XRCC4: variants seen among roughly 807,000 people sequenced by gnomAD.
XRCC4 encodes X-ray repair cross complementing 4.
A neutral mutation model predicts 39.1 loss-of-function variants in XRCC4; 28 were observed. That is an observed-to-expected ratio of 0.72 (90% CI 0.53 to 0.98). The LOEUF is 0.98. XRCC4 is among the 50% of genes least tolerant of loss of function. The pLI, the probability that XRCC4 is intolerant of heterozygous loss-of-function variation, is 0.00. For synonymous variants in XRCC4, 123 were observed against 126.4 expected (o/e 0.97, Z 0.18); for missense variants, 350 against 376.4 (o/e 0.93, Z 0.58).
intron 7 of XRCC4, among the ~76,000 whole-genome samples, chr5:83,300,113 A>G (rs1474182655): frequency 6.6e-6 from 1 of 152,216 alleles, no homozygotes; most frequent in Non-Finnish European, 1.5e-5. Flanking sequence ...TACATGAATT[A>G]TATTAATTTG....
At chr5:83,132,414 T>C (rs1194925055) in intron 3 of XRCC4, among the ~76,000 whole-genome samples, 2 of 152,148 alleles carry the variant, frequency 1.3e-5, no homozygotes, top group Admixed American at 1.3e-4. Context: ...TTTCCTGAAT[T>C]TGAATGTTGG....
intron 7 of XRCC4, among the ~76,000 whole-genome samples, chr5:83,308,894 T>C (rs1755581950): frequency 1.3e-5 from 2 of 152,156 alleles, no homozygotes; most frequent in Non-Finnish European, 2.9e-5. Flanking sequence ...ATTTCAAATT[T>C]TTATACTCGT....
chr5:83,362,316 A>AAAAAAAAAAAAC, the XRCC4 span, among the ~76,000 whole-genome samples: 3 of 146,046 alleles, frequency 2.1e-5, no homozygotes, highest in African/African-American at 8.2e-5. Context: ...AAAAAAAAAA[A>AAAAAAAAAAAAC]AACTATCTCA....
chr5:83,349,228 C>A (rs1757008503), intron 7 of XRCC4, among the ~76,000 whole-genome samples: 1 of 152,162 alleles, frequency 6.6e-6, no homozygotes, highest in African/African-American at 2.4e-5. Flanking sequence ...AGAAGTCCAC[C>A]CCCGTGATCC....
chr5:83,248,642 G>A (rs1753198148), intron 6 of XRCC4, among the ~76,000 whole-genome samples: 1 of 152,034 alleles, frequency 6.6e-6, no homozygotes, highest in Non-Finnish European at 1.5e-5. Flanking sequence ...ATTGCTAACT[G>A]TAATTTGAAG....
intron 7 of XRCC4, among the ~76,000 whole-genome samples, chr5:83,332,156 A>C (rs910564645): frequency 2.6e-5 from 4 of 151,920 alleles, no homozygotes; most frequent in Non-Finnish European, 5.9e-5. Context: ...TTGCCTTCTT[A>C]TAAAGACAGA....
At chr5:83,180,450 T>G (rs1750154937) in intron 3 of XRCC4, among the ~76,000 whole-genome samples, 1 of 152,136 alleles carries the variant, frequency 6.6e-6, no homozygotes, top group African/African-American at 2.4e-5. Flanking sequence ...GCGGCTCAAA[T>G]TTTTAAGTGC....
intron 6 of XRCC4, among the ~76,000 whole-genome samples, chr5:83,255,587 T>C (rs1439530691): frequency 6.6e-6 from 1 of 152,190 alleles, no homozygotes; most frequent in Non-Finnish European, 1.5e-5. Context: ...CATTAGACAC[T>C]TCTCCTACAA....
chr5:83,304,429 G>A (rs67365351), intron 7 of XRCC4, among the ~76,000 whole-genome samples: 9,208 of 152,092 alleles, frequency 0.061, 377 homozygotes, highest in South Asian at 0.15. Context: ...TCTCTTACCT[G>A]AATTCTACCA....
intron 7 of XRCC4, among the ~76,000 whole-genome samples, chr5:83,343,851 T>C (rs10434637): frequency 0.26 from 39,024 of 151,942 alleles, 7,256 homozygotes; most frequent in East Asian, 0.71. Context: ...TCCTATACCT[T>C]GGTATTTGTT....
At chr5:83,088,244 A>G (rs1390234757) in intron 1 of XRCC4, among the ~76,000 whole-genome samples, 1 of 152,188 alleles carries the variant, frequency 6.6e-6, no homozygotes, top group East Asian at 1.9e-4. Flanking sequence ...TACCTTGTAT[A>G]TATTTACTTA....
At chr5:83,254,510 G>A (rs373733826) in intron 6 of XRCC4, among the ~76,000 whole-genome samples, 57 of 152,118 alleles carry the variant, frequency 3.7e-4, no homozygotes, top group South Asian at 8.3e-4. Flanking sequence ...TTAACAATGA[G>A]ATGCCAGACT....
intron 3 of XRCC4, among the ~76,000 whole-genome samples, chr5:83,145,871 T>TC (rs987312626): frequency 1.5e-4 from 23 of 152,042 alleles, no homozygotes; most frequent in Non-Finnish European, 2.6e-4. Flanking sequence ...TTTTTTTTTT[T>TC]TCCTAATATT....
intron 6 of XRCC4, among the ~76,000 whole-genome samples, chr5:83,239,179 A>T (rs924687790): frequency 3.9e-5 from 6 of 152,062 alleles, no homozygotes; most frequent in African/African-American, 1.2e-4. Context: ...GGCTCCAGGA[A>T]TGCCACATTG....
intron 3 of XRCC4, among the ~76,000 whole-genome samples, chr5:83,134,461 C>T (rs1441620763): frequency 6.6e-6 from 1 of 152,074 alleles, no homozygotes; most frequent in Non-Finnish European, 1.5e-5. Flanking sequence ...ACCAGTCAGC[C>T]CTCTGTTTCT....
chr5:83,301,957 A>G (rs1165378659), intron 7 of XRCC4, among the ~76,000 whole-genome samples: 2 of 152,130 alleles, frequency 1.3e-5, no homozygotes, highest in African/African-American at 4.8e-5. Context: ...TACCAGTACC[A>G]TGCTCGTTTG....
intron 3 of XRCC4, among the ~76,000 whole-genome samples, chr5:83,115,317 C>T (rs766040601): frequency 1.3e-5 from 2 of 152,190 alleles, no homozygotes; most frequent in Non-Finnish European, 2.9e-5. Flanking sequence ...ATTCCAGCTA[C>T]TTGGGAGGCT....
chr5:83,322,709 T>C (rs1299942501), intron 7 of XRCC4, among the ~76,000 whole-genome samples: 3 of 152,078 alleles, frequency 2.0e-5, no homozygotes, highest in Admixed American at 6.6e-5. Flanking sequence ...CAAAGTGACA[T>C]TGGAGGCAGA....
At chr5:83,132,138 G>A (rs1289805749) in intron 3 of XRCC4, among the ~76,000 whole-genome samples, 1 of 151,948 alleles carries the variant, frequency 6.6e-6, no homozygotes, top group East Asian at 1.9e-4. Context: ...TTTCACTTAT[G>A]AAGCTTAGTT....
Sources: allele counts gnomAD v4.1 joint callset (sites outside exome capture counted in the v4.1 genomes callset), GRCh38; gene constraint gnomAD v4.1.1; transcripts MANE v1.5; gene names NCBI Gene and HGNC (gene_info 2026-07-23, HGNC 2026-07-21).